Variants in SEZ6L observed in about 807,000 individuals in gnomAD.
SEZ6L encodes the protein seizure 6-like protein.
In SEZ6L, 37 loss-of-function variants were observed where a neutral mutation model predicts 106.2. That is an observed-to-expected ratio of 0.35 (90% confidence interval 0.27 to 0.46). The LOEUF is 0.46. Among genes scored for constraint, SEZ6L ranks in the 20% least tolerant of loss-of-function variants. The pLI is 1.00. For missense variants in SEZ6L, 1,172 were observed against 1,332.8 expected (o/e 0.88, Z 1.88); for synonymous variants, 541 against 570.4 (o/e 0.95, Z 0.73).
chr22:26,183,932 C>T (rs375061136), intron 1 of SEZ6L, among the ~76,000 whole-genome samples: 6 of 152,064 alleles, frequency 3.9e-5, no homozygotes, highest in Admixed American at 6.5e-5. Context: ...ATGCTTAGCA[C>T]GTGGCAAAGG....
At chr22:26,200,024 T>G (rs1414919295) in intron 1 of SEZ6L, among the ~76,000 whole-genome samples, 1 of 152,214 alleles carries the variant, frequency 6.6e-6, no homozygotes, top group East Asian at 1.9e-4. Flanking sequence ...GCACTGAGAC[T>G]ACGTAGTTAA....
At chr22:26,254,944 T>G (rs2145803138) in intron 1 of SEZ6L, among the ~76,000 whole-genome samples, 1 of 152,294 alleles carries the variant, frequency 6.6e-6, no homozygotes, top group Non-Finnish European at 1.5e-5. Context: ...TCCTCAGAAT[T>G]CTATCACCTG....
chr22:26,173,840 G>A lies in SEZ6L; in HGVS notation c.94+4077G>A, dbSNP rs185404212. ...TATGGCCAAGAGGGACAGAGAGCCC[G>A]GGTCTCCTCATCTTAGAAATGAACT... is the stretch of plus-strand genomic sequence containing the variant. On this transcript the variant is annotated intron_variant, in intron 1 of 16. Coordinates refer to ENST00000248933, the MANE Select transcript of SEZ6L (RefSeq NM_021115.5). Among the ~76,000 whole-genome samples the A allele has an allele frequency of 9.9e-5, 15 of 152,248 alleles. No individual in the cohort carries two copies. In the East Asian group the frequency reaches 1.2e-3, roughly 12 times the overall value.
chr22:26,219,254 G>GTTTA, intron 1 of SEZ6L, among the ~76,000 whole-genome samples: 1 of 135,108 alleles, frequency 7.4e-6, no homozygotes, highest in Admixed American at 7.5e-5. Flanking sequence ...AGAAATACAA[G>GTTTA]TTTTTTTTTT....
intron 1 of SEZ6L, among the ~76,000 whole-genome samples, chr22:26,184,512 G>A (rs1939640639): frequency 6.6e-6 from 1 of 152,202 alleles, no homozygotes; most frequent in Non-Finnish European, 1.5e-5. Context: ...TCAACCCCAA[G>A]AAGCAAATAT....
chr22:26,356,132 A>G (rs2083428931), intron 12 of SEZ6L, among the ~76,000 whole-genome samples: 1 of 152,320 alleles, frequency 6.6e-6, no homozygotes, highest in African/African-American at 2.4e-5. Context: ...GAGGTTCCCA[A>G]ACTTTCTCAA....
intron 1 of SEZ6L, among the ~76,000 whole-genome samples, chr22:26,204,806 T>C (rs1297028687): frequency 6.6e-6 from 1 of 152,242 alleles, no homozygotes; most frequent in Non-Finnish European, 1.5e-5. Flanking sequence ...GGAGCAGATA[T>C]GCTCTAATGA....
intron 9 of SEZ6L, among the ~76,000 whole-genome samples, chr22:26,332,863 T>G (rs2082531624): frequency 6.6e-6 from 1 of 152,206 alleles, no homozygotes; most frequent in Non-Finnish European, 1.5e-5. Flanking sequence ...TATAAAATGG[T>G]GGTTCAGATC....
intron 1 of SEZ6L, among the ~76,000 whole-genome samples, chr22:26,259,480 G>A (rs947958137): frequency 6.6e-6 from 1 of 152,136 alleles, no homozygotes; most frequent in African/African-American, 2.4e-5. Context: ...CCAAGAAAAA[G>A]CAAAAGCACA....
At chr22:26,207,797 C>T (rs537309324) in intron 1 of SEZ6L, among the ~76,000 whole-genome samples, 31 of 152,134 alleles carry the variant, frequency 2.0e-4, no homozygotes, top group African/African-American at 7.2e-4. Context: ...AATTATTGAC[C>T]CTTTGACCCC....
chr22:26,349,351 T>C (rs1332176091), intron 11 of SEZ6L, among the ~76,000 whole-genome samples: 1 of 152,222 alleles, frequency 6.6e-6, no homozygotes, highest in Admixed American at 6.5e-5. Flanking sequence ...ATCTTAAAAT[T>C]ACATTGGTAA....
At chr22:26,266,579 AAAT>A (rs2080194825) in intron 1 of SEZ6L, among the ~76,000 whole-genome samples, 1 of 11,304 alleles carries the variant, frequency 8.8e-5, no homozygotes, top group African/African-American at 1.5e-3. Flanking sequence ...TCTCAAAAAT[AAAT>A]AAATAAATAA....
At chr22:26,229,776 G>T (rs1432822180) in intron 1 of SEZ6L, among the ~76,000 whole-genome samples, 1 of 152,226 alleles carries the variant, frequency 6.6e-6, no homozygotes, top group Non-Finnish European at 1.5e-5. Context: ...CAAATGTGCA[G>T]CCAGGACTGG....
At chr22:26,320,711 G>T (rs747689075) in intron 9 of SEZ6L, among the ~76,000 whole-genome samples, 36 of 152,188 alleles carry the variant, frequency 2.4e-4, no homozygotes, top group Non-Finnish European at 2.6e-4. Flanking sequence ...GGTGAGCCTG[G>T]CTGAGAATGT....
chr22:26,367,896 G>A (rs565572124), intron 13 of SEZ6L, among the ~76,000 whole-genome samples: 7 of 152,122 alleles, frequency 4.6e-5, no homozygotes, highest in Non-Finnish European at 8.8e-5. Flanking sequence ...CCTCCCAGAT[G>A]GTGAAGTGAG....
intron 9 of SEZ6L, among the ~76,000 whole-genome samples, chr22:26,321,984 C>T (rs902376334): frequency 6.6e-6 from 1 of 152,128 alleles, no homozygotes; most frequent in Non-Finnish European, 1.5e-5. Flanking sequence ...CTACTATGTG[C>T]TAGGCAGGCC....
At chr22:26,377,535 A>G (rs1394436467) in intron 15 of SEZ6L, 138 bp from the exon 16 acceptor site, 2 of 692,548 alleles carry the variant, frequency 2.9e-6, no homozygotes, top group Admixed American at 4.5e-5. Flanking sequence ...TCGCCTGCAA[A>G]AGGCTGTTTG....
chr22:26,361,107 G>A (rs9620605), intron 12 of SEZ6L, among the ~76,000 whole-genome samples: 11,691 of 152,142 alleles, frequency 0.077, 644 homozygotes, highest in Middle Eastern at 0.24. Context: ...AAACTGACAT[G>A]TGAAACCTCT....
intron 1 of SEZ6L, among the ~76,000 whole-genome samples, chr22:26,257,694 G>A (rs1602187159): frequency 6.6e-6 from 1 of 152,176 alleles, no homozygotes; most frequent in African/African-American, 2.4e-5. Context: ...GGAACAGGTA[G>A]TACAGAGGCT....
Sources: allele counts gnomAD v4.1 joint callset (sites outside exome capture counted in the v4.1 genomes callset), GRCh38; gene constraint gnomAD v4.1.1; transcripts MANE v1.5; gene names NCBI Gene and HGNC (gene_info 2026-07-23, HGNC 2026-07-21).